GLT1D1: variants seen among roughly 807,000 people sequenced by gnomAD.
The protein encoded by GLT1D1 is glycosyltransferase 1 domain containing 1.
GLT1D1 carries 21 observed loss-of-function variants against 28.7 expected under a neutral mutation model. That is an observed-to-expected ratio of 0.73 (90% confidence interval 0.52 to 1.05). The LOEUF (loss-of-function observed/expected upper bound fraction) is 1.05. Among genes scored for constraint, GLT1D1 ranks in the 50% least tolerant of loss-of-function variants. The pLI is 0.00. For missense variants in GLT1D1, 343 were observed against 330.6 expected (o/e 1.04, Z -0.29); for synonymous variants, 147 against 124.8 (o/e 1.18, Z -1.19).
In GLT1D1 at chr12:128,855,903, C is replaced by T. The variant is rs147955648; in HGVS notation, c.68+2254C>T. Among the ~76,000 whole-genome samples, 1,263 of 152,018 alleles carry T rather than the reference C, an allele frequency of 8.3e-3. 4 individuals are homozygous for T. The highest frequency in any genetic ancestry group is 0.014 in the Middle Eastern group (4 of 294). On this transcript the variant is annotated intron_variant, in intron 1 of 7. Transcript: ENST00000281703. ...AGTAGCTGGGATTACAGGCGCCTGC[C>T]ACCACACCCAGCTGATTTTTGTATT...
chr12:128,895,003 T>C (rs921329198), intron 3 of GLT1D1, among the ~76,000 whole-genome samples: 1 of 152,048 alleles, frequency 6.6e-6, no homozygotes, highest in East Asian at 1.9e-4. Context: ...AGGAGATGCT[T>C]TGAGCTGATG....
intron 7 of GLT1D1, among the ~76,000 whole-genome samples, chr12:128,976,023 C>T (rs766982249): frequency 2.0e-5 from 3 of 152,116 alleles, no homozygotes; most frequent in Non-Finnish European, 4.4e-5. Context: ...TCGTCAGCGG[C>T]GACAGTTTGA....
rs568320390 is a variant in GLT1D1 at position 128,856,516 on chromosome 12, G to A, written c.68+2867G>A. The stretch of plus-strand genomic sequence containing the variant: ...GAATGTGGTCTGGGAGGCTGTCTCC[G>A]GAGATGACATTGAAGCTAAGACCGA... On this transcript the variant is annotated intron_variant, in intron 1 of 7. Transcript: ENST00000281703. 1.6e-4 allele frequency among the ~76,000 whole-genome samples: 24 copies of A among 152,260 alleles called. No homozygotes were observed. In the South Asian group the frequency reaches 2.3e-3, roughly 14 times the overall value.
At chr12:128,960,648 A>G (rs1036553144) in intron 7 of GLT1D1, among the ~76,000 whole-genome samples, 2 of 151,940 alleles carry the variant, frequency 1.3e-5, no homozygotes, top group African/African-American at 4.8e-5. Context: ...TCCTGGCTAC[A>G]TGGGAGGGTG....
intron 4 of GLT1D1, among the ~76,000 whole-genome samples, chr12:128,903,525 A>G (rs1870526627): frequency 6.6e-6 from 1 of 151,498 alleles, no homozygotes; most frequent in Admixed American, 6.6e-5. Flanking sequence ...CATCTGCCAC[A>G]CTTCATGCTT....
intron 4 of GLT1D1, among the ~76,000 whole-genome samples, chr12:128,934,564 T>C (rs1200242731): frequency 2.6e-5 from 4 of 152,188 alleles, no homozygotes; most frequent in Non-Finnish European, 5.9e-5. Flanking sequence ...ATTTCTCTCC[T>C]TGAAGCCCTA....
At chr12:128,908,360 CTTTT>C (rs896834021) in intron 4 of GLT1D1, among the ~76,000 whole-genome samples, 1 of 23,790 alleles carries the variant, frequency 4.2e-5, no homozygotes, top group African/African-American at 5.5e-5. Context: ...TTCTTTCTTT[CTTTT>C]CTTTCTTTCT....
chr12:128,892,746 G>A (rs1869201121), intron 3 of GLT1D1, among the ~76,000 whole-genome samples: 1 of 151,650 alleles, frequency 6.6e-6, no homozygotes, highest in Non-Finnish European at 1.5e-5. Context: ...TTCCTATAGG[G>A]TCTATTTTTG....
chr12:128,885,875 G>A (rs929090304), intron 2 of GLT1D1, among the ~76,000 whole-genome samples: 17 of 152,150 alleles, frequency 1.1e-4, no homozygotes, highest in Non-Finnish European at 2.9e-5. Context: ...TTTAGTAGCA[G>A]TTTTTATTGG....
At chr12:128,883,662 T>A (rs1365517739) in intron 2 of GLT1D1, among the ~76,000 whole-genome samples, 1 of 151,994 alleles carries the variant, frequency 6.6e-6, no homozygotes, top group Non-Finnish European at 1.5e-5. Context: ...CTCAGCCGAT[T>A]ACTGGGAGAG....
At chr12:128,863,528 G>A (rs1346186484) in intron 1 of GLT1D1, among the ~76,000 whole-genome samples, 2 of 151,906 alleles carry the variant, frequency 1.3e-5, no homozygotes, top group East Asian at 3.9e-4. Flanking sequence ...ATGTGCCACC[G>A]CACCCAGCTA....
At chr12:128,917,786 C>T (rs936081605) in intron 4 of GLT1D1, among the ~76,000 whole-genome samples, 2 of 152,178 alleles carry the variant, frequency 1.3e-5, no homozygotes, top group Non-Finnish European at 2.9e-5. Flanking sequence ...CATCGCACAT[C>T]AGTCAGAATG....
intron 2 of GLT1D1, among the ~76,000 whole-genome samples, chr12:128,882,970 G>A (rs1957092431): frequency 6.6e-6 from 1 of 151,234 alleles, no homozygotes; most frequent in Non-Finnish European, 1.5e-5. Flanking sequence ...TCTGTCGCCA[G>A]GCTGTAGTGT....
chr12:128,955,228 A>T lies in GLT1D1; in HGVS notation c.541-2317A>T, dbSNP rs190435469. ...TCTGTAGAAGAACTGAAAGAATGGT[A>T]CAGCAAATACCTGTGTACCCTTCAC... On this transcript the variant is annotated intron_variant, in intron 6 of 7. Transcript: ENST00000281703. 2.5e-3 allele frequency among the ~76,000 whole-genome samples: 382 copies of T among 152,310 alleles called. 5 individuals carry two copies. The Middle Eastern group carries it at 0.031, about 12-fold the overall frequency.
intron 6 of GLT1D1, among the ~76,000 whole-genome samples, chr12:128,955,989 C>A (rs372944115): frequency 1.3e-5 from 2 of 151,208 alleles, no homozygotes; most frequent in African/African-American, 4.9e-5. Context: ...GAAACCCCAT[C>A]TCTACTAAAA....
chr12:128,979,919 T>G (rs1880157393), intron 7 of GLT1D1, among the ~76,000 whole-genome samples: 1 of 152,228 alleles, frequency 6.6e-6, no homozygotes, highest in Admixed American at 6.5e-5. Context: ...CTCATATAAT[T>G]TATCAACTAC....
chr12:128,931,915 ACG>A (rs1491045124), intron 4 of GLT1D1, among the ~76,000 whole-genome samples: 5 of 150,264 alleles, frequency 3.3e-5, no homozygotes, highest in African/African-American at 7.5e-5. Flanking sequence ...ACACACACGC[ACG>A]CACACACACA....
intron 4 of GLT1D1, among the ~76,000 whole-genome samples, chr12:128,915,458 G>A (rs1000849382): frequency 4.0e-5 from 6 of 150,876 alleles, no homozygotes; most frequent in Non-Finnish European, 7.4e-5. Flanking sequence ...TCTACCTCCC[G>A]GGTTCAAGTG....
At chr12:128,871,948 TTTTA>T (rs1956698987) in intron 1 of GLT1D1, among the ~76,000 whole-genome samples, 1 of 151,974 alleles carries the variant, frequency 6.6e-6, no homozygotes, top group African/African-American at 2.4e-5. Flanking sequence ...TATTTTTTAT[TTTTA>T]TTTATTTATT....
Sources: allele counts gnomAD v4.1 joint callset (sites outside exome capture counted in the v4.1 genomes callset), GRCh38; gene constraint gnomAD v4.1.1; transcripts MANE v1.5; gene names NCBI Gene and HGNC (gene_info 2026-07-23, HGNC 2026-07-21).